The following DNAJC1 variants were observed in gnomAD, a reference collection of about 807,000 sequenced individuals.
DNAJC1 encodes DnaJ heat shock protein family (Hsp40) member C1.
DNAJC1 carries 58 observed loss-of-function variants against 76.6 expected under a neutral mutation model. That is an observed-to-expected ratio of 0.76 (90% CI 0.61 to 0.94). The LOEUF (loss-of-function observed/expected upper bound fraction) is 0.94. Ranked by LOEUF, DNAJC1 falls within the 40% of genes least tolerant of loss-of-function variation. The pLI, the probability that DNAJC1 is intolerant of heterozygous loss-of-function variation, is 0.00. For missense variants in DNAJC1, 689 were observed against 677.3 expected (o/e 1.02, Z -0.19); for synonymous variants, 258 against 267.9 (o/e 0.96, Z 0.36).
chr10:21,982,013 A>T (rs774901638), intron 1 of DNAJC1, among the ~76,000 whole-genome samples: 41 of 152,168 alleles, frequency 2.7e-4, no homozygotes, highest in Admixed American at 1.2e-3. Flanking sequence ...AACCTTGTCA[A>T]ATTGGTTTCA....
intron 7 of DNAJC1, among the ~76,000 whole-genome samples, chr10:21,894,554 A>G (rs1836510051): frequency 6.6e-6 from 1 of 152,202 alleles, no homozygotes; most frequent in South Asian, 2.1e-4. Context: ...CTGGGCAACA[A>G]GAGCAAAACT....
intron 8 of DNAJC1, among the ~76,000 whole-genome samples, chr10:21,820,959 C>G (rs916411365): frequency 6.6e-6 from 1 of 152,124 alleles, no homozygotes. Flanking sequence ...CCTCTGAACC[C>G]TGTCCTTGTG....
At chr10:21,900,109 G>A (rs1442998893) in intron 7 of DNAJC1, among the ~76,000 whole-genome samples, 2 of 152,108 alleles carry the variant, frequency 1.3e-5, no homozygotes, top group Non-Finnish European at 2.9e-5. Context: ...TTGAGAGGCC[G>A]AGACAGGTGG....
intron 7 of DNAJC1, among the ~76,000 whole-genome samples, chr10:21,884,759 A>G (rs1407764511): frequency 6.6e-6 from 1 of 152,192 alleles, no homozygotes; most frequent in African/African-American, 2.4e-5. Context: ...TTTGGGCTAC[A>G]TATAGAGAAT....
intron 8 of DNAJC1, among the ~76,000 whole-genome samples, chr10:21,834,616 C>T (rs565217973): frequency 2.0e-5 from 3 of 152,162 alleles, no homozygotes; most frequent in Admixed American, 6.5e-5. Context: ...CGGGTCACTC[C>T]CACCCTAATA....
intron 6 of DNAJC1, among the ~76,000 whole-genome samples, chr10:21,906,703 C>G (rs1379482523): frequency 6.6e-6 from 1 of 152,074 alleles, no homozygotes; most frequent in Admixed American, 6.5e-5. Context: ...ATCTTACTAG[C>G]TATGTGACAT....
Position 21,792,822 on chromosome 10 carries a change from G to C in DNAJC1, c.1098+13158C>G, listed in dbSNP as rs1369663518. ...ACCATATAAAATGTATATACAACAT[G>C]ATCAAGTGGGAATGTAAGGTTGGTT... On this transcript the variant is annotated intron_variant, in intron 9 of 11. Transcript: ENST00000376980. Among the ~76,000 whole-genome samples the C allele has an allele frequency of 2.7e-5, 4 of 150,612 alleles. No individual in the cohort carries two copies. The East Asian group carries it at 7.8e-4, about 29-fold the overall frequency.
chr10:21,990,275 AC>A (rs1838306679), intron 1 of DNAJC1, among the ~76,000 whole-genome samples: 1 of 152,184 alleles, frequency 6.6e-6, no homozygotes, highest in Non-Finnish European at 1.5e-5. Context: ...CAGTGCCAAG[AC>A]AACTGTAACT....
chr10:21,983,735 A>C (rs1238311025), intron 1 of DNAJC1, among the ~76,000 whole-genome samples: 1 of 151,928 alleles, frequency 6.6e-6, no homozygotes, highest in Non-Finnish European at 1.5e-5. Context: ...AAAAAAAAAA[A>C]AAAGGAAAGT....
At chr10:21,996,618 T>A (rs1405938267) in intron 1 of DNAJC1, among the ~76,000 whole-genome samples, 1 of 152,122 alleles carries the variant, frequency 6.6e-6, no homozygotes, top group African/African-American at 2.4e-5. Flanking sequence ...TGTCTATGAA[T>A]AACAAAAGAT....
intron 8 of DNAJC1, among the ~76,000 whole-genome samples, chr10:21,812,349 G>T (rs746776020): frequency 6.6e-6 from 1 of 152,094 alleles, no homozygotes. Context: ...GAGCCACTGC[G>T]CCCAGCCAGA....
intron 9 of DNAJC1, among the ~76,000 whole-genome samples, chr10:21,799,394 G>T (rs773685565): frequency 1.2e-4 from 19 of 152,056 alleles, no homozygotes; most frequent in Non-Finnish European, 2.5e-4. Flanking sequence ...GATCTCCTGG[G>T]CTCAAGTGAT....
intron 10 of DNAJC1, among the ~76,000 whole-genome samples, chr10:21,762,902 T>C (rs1337992188): frequency 6.6e-6 from 1 of 152,230 alleles, no homozygotes; most frequent in Non-Finnish European, 1.5e-5. Flanking sequence ...GAATAACACA[T>C]AACAAAGAAA....
chr10:21,842,672 A>G (rs1054979632), intron 8 of DNAJC1, among the ~76,000 whole-genome samples: 5 of 152,240 alleles, frequency 3.3e-5, no homozygotes, highest in Non-Finnish European at 7.3e-5. Flanking sequence ...ATGAGGCACA[A>G]ATGAACTGGC....
chr10:21,812,453 T>C (rs1184413498), intron 8 of DNAJC1, among the ~76,000 whole-genome samples: 1 of 152,222 alleles, frequency 6.6e-6, no homozygotes, highest in Non-Finnish European at 1.5e-5. Flanking sequence ...TGTTAATTGG[T>C]TGTCTTCTTA....
In DNAJC1 at chr10:21,823,752, AAGC is replaced by A. The variant is rs1835197202; in HGVS notation, c.979-17656_979-17654del. Among the ~76,000 whole-genome samples the A allele has an allele frequency of 2.0e-5, 3 of 152,016 alleles. No homozygotes were observed. The South Asian group carries it at 6.2e-4, about 32-fold the overall frequency. ...GCTGACCAGCTTAAAAAAAAAAAAA[AAGC>A]AGAAAAATCCCACAATGTTTGAAGA... On this transcript the variant is annotated intron_variant, in intron 8 of 11. Transcript: ENST00000376980.
At chr10:21,902,629 G>C (rs1476141366) in intron 7 of DNAJC1, among the ~76,000 whole-genome samples, 2 of 152,040 alleles carry the variant, frequency 1.3e-5, no homozygotes, top group African/African-American at 4.8e-5. Flanking sequence ...AAATCTGTTT[G>C]AGAATTACAT....
chr10:21,969,422 T>A (rs1185944619), intron 1 of DNAJC1, among the ~76,000 whole-genome samples: 2 of 152,058 alleles, frequency 1.3e-5, no homozygotes, highest in Non-Finnish European at 2.9e-5. Flanking sequence ...TCAGCACCAG[T>A]GGTTCTTGAT....
chr10:21,842,540 T>C (rs528916933), intron 8 of DNAJC1, among the ~76,000 whole-genome samples: 16 of 152,250 alleles, frequency 1.1e-4, no homozygotes, highest in Non-Finnish European at 2.4e-4. Context: ...CAGTTTTACC[T>C]ATGTTGAATT....
Sources: gnomAD v4.1 joint callset for allele counts (sites outside exome capture counted in the v4.1 genomes callset) on GRCh38, gnomAD v4.1.1 for gene constraint, MANE v1.5 for transcripts, NCBI Gene and HGNC (gene_info 2026-07-23, HGNC 2026-07-21) for gene names.